The following C6orf132 variants were observed in gnomAD, a reference collection of about 807,000 sequenced individuals.
C6orf132 encodes chromosome 6 open reading frame 132, also known as uncharacterized protein C6orf132.
Under a neutral mutation model 65.3 loss-of-function variants are expected in C6orf132, and 43 were observed. The ratio of observed to expected loss-of-function variants is 0.66; its 90% CI spans 0.52 to 0.85. The LOEUF (loss-of-function observed/expected upper bound fraction) is 0.85, where lower values mean the gene tolerates loss of function less well. Ranked by LOEUF, C6orf132 falls within the 40% of genes least tolerant of loss-of-function variation. The probability of loss-of-function intolerance (pLI) is 0.00; values close to 1 mark genes in which losing one functional copy is unlikely to be tolerated. For synonymous variants in C6orf132, 631 were observed against 654.1 expected, an observed-to-expected ratio of 0.96 and a Z score of 0.54; for missense variants, 1,488 against 1,548.8, an observed-to-expected ratio of 0.96 and a Z score of 0.66.
chr6:42,104,426 C>A lies in C6orf132; in HGVS notation c.3449+37G>T, dbSNP rs1766350413. ...TTGGCCCTCGCCTGGCTTTCCACCC[C>A]TCCTGGCTTCCCGCACCAGCCGGGC... On this transcript the variant is annotated intron_variant, in intron 4 of 4. Coordinates refer to ENST00000341865, the MANE Select transcript of C6orf132 (RefSeq NM_001164446.3). The surrounding 1 kb of genome is among the most constrained non-coding windows in gnomAD (Gnocchi z 4.1). 6.5e-6 allele frequency: 8 copies of A among 1,229,606 alleles called. No homozygotes were observed. The highest frequency in any genetic ancestry group is 8.1e-6 in the Non-Finnish European group (8 of 986,834). The allele number at this position is 1,229,606 out of a possible 1,614,324, so 76.2% of individuals were successfully genotyped here.
chr6:42,137,592 G>A (rs1375831920), intron 1 of C6orf132, among the ~76,000 whole-genome samples: 1 of 152,082 alleles, frequency 6.6e-6, no homozygotes, highest in Admixed American at 6.6e-5. Flanking sequence ...TAAGGAGCTG[G>A]TGACATTCTT....
chr6:42,106,104 T>C lies in C6orf132; in HGVS notation c.1808A>G (p.Asn603Ser). Residue 603 changes from asparagine to serine, a missense_variant, in exon 4 of 5, where the codon AAC becomes AGC. Physicochemically the swap from Asn to Ser is conservative, Grantham distance 46 (BLOSUM62 1). Coordinates refer to ENST00000341865, the MANE Select transcript of C6orf132 (RefSeq NM_001164446.3). ...GGAGAGTTTGTCATCATCAGCCCCG[T>C]TTTCACAAATTCTTCCCCCTTCTAG... ...PRLEGGRICE[N>S]GADDDKLSKP... is the part of the protein sequence containing the mutation. The C allele has an allele frequency of 6.5e-7, 1 of 1,537,186 alleles. No homozygotes were observed. The highest frequency in any genetic ancestry group is 8.7e-7 in the Non-Finnish European group (1 of 1,146,898).
rs1766399792 is a variant in C6orf132 at position 42,106,110 on chromosome 6, C to A, written c.1802G>T (p.Cys601Phe). The change falls in exon 4 of 5, where the codon TGT becomes TTT. Residue 601 changes from cysteine (C) to phenylalanine (F), a missense_variant. Coordinates refer to ENST00000341865, the MANE Select transcript of C6orf132 (RefSeq NM_001164446.3). ...PKPRLEGGRICENGADDDKLS... is the reference protein window; with the variant it reads ...PKPRLEGGRIFENGADDDKLS... ...TTTGTCATCATCAGCCCCGTTTTCACAAATTCTTCCCCCTTCTAGCCGAGG... is the reference window on the plus strand; with the variant it reads ...TTTGTCATCATCAGCCCCGTTTTCAAAAATTCTTCCCCCTTCTAGCCGAGG... The A allele has an allele frequency of 6.5e-7, 1 of 1,537,150 alleles. No individual in the cohort carries two copies. Among genetic ancestry groups the A allele is most frequent in the African/African-American group, 1.4e-5 (1 of 73,044 alleles).
Position 42,107,561 on chromosome 6 carries a change from G to A in C6orf132, c.351C>T (p.Gly117=), listed in dbSNP as rs2127473908. The A allele has an allele frequency of 6.4e-7, 1 of 1,550,930 alleles. No individual in the cohort carries two copies. Among genetic ancestry groups the A allele is most frequent in the Middle Eastern group, 1.7e-4 (1 of 5,984 alleles). The part of the protein sequence containing the change: ...EVTGTSSLVN[G]NLRLYSSVGD... ...CCACAGAGCTGTACAGTCGGAGGTT[G>A]CCATTGACTAGTGAGCTGGTACCTG... Residue 117 remains glycine, a synonymous_variant, in exon 4 of 5, where the codon GGC becomes GGT. Transcript: ENST00000341865.
rs1388046476 is a variant in C6orf132, at chr6:42,110,201, C to T, written c.328+15G>A. Reference sequence around the variant, plus strand: ...AAAGAAAGATGGACAAGCCCCAAGCCCAGGGTTCACTTACCTGTCACTTCT... The same window carrying T: ...AAAGAAAGATGGACAAGCCCCAAGCTCAGGGTTCACTTACCTGTCACTTCT... On this transcript the variant is annotated intron_variant, in intron 3 of 4. Transcript: ENST00000341865. 6.5e-7 allele frequency: 1 copy of T among 1,544,932 alleles called. No individual in the cohort carries two copies. Among genetic ancestry groups the T allele is most frequent in the Admixed American group, 2.0e-5 (1 of 50,190 alleles).
Position 42,102,043 on chromosome 6 carries a change from G to A in C6orf132, c.*1718C>T, listed in dbSNP as rs1193471475. ...CCAGGAATTTGGCCCACCAGTACCT[G>A]AAGATAGGGAAGCAAGACCAAGGAA... On this transcript the variant is annotated 3_prime_UTR_variant, in exon 5 of 5. Transcript: ENST00000341865. 1 of 152,182 alleles carries A rather than the reference G, an allele frequency of 6.6e-6. No individual in the cohort carries two copies. The highest frequency in any genetic ancestry group is 2.4e-5 in the African/African-American group (1 of 41,420). 9.4% of individuals were successfully genotyped at this position (152,182 alleles called of 1,614,324 possible). A position where few individuals can be genotyped will look rare whatever the true frequency, so the allele number is the denominator to read the frequency against.
rs1280314972 is a variant in C6orf132, at chr6:42,124,289, C to T, written c.252+4383G>A. ...TTGGCTGCTGGATGCCTGATAAACA[C>T]TTCGTAATTCCCAGCACCCACAGCA... On this transcript the variant is annotated intron_variant, in intron 2 of 4. Transcript: ENST00000341865. This position sits in a 1 kb window ranked among gnomAD's most constrained non-coding sequence, Gnocchi z 4.0. 2.6e-5 allele frequency among the ~76,000 whole-genome samples: 4 copies of T among 152,242 alleles called. No individual in the cohort carries two copies. The highest frequency in any genetic ancestry group is 2.6e-4 in the Admixed American group (4 of 15,284).
intron 2 of C6orf132, among the ~76,000 whole-genome samples, chr6:42,114,996 ACT>A (rs1199371411): frequency 2.3e-5 from 3 of 132,500 alleles, no homozygotes; most frequent in East Asian, 4.3e-4. Flanking sequence ...ACAGAGAGAG[ACT>A]CTGTCTCAAA....
intron 1 of C6orf132, among the ~76,000 whole-genome samples, chr6:42,140,533 C>T (rs958601950): frequency 6.6e-6 from 1 of 152,226 alleles, no homozygotes; most frequent in Non-Finnish European, 1.5e-5. Flanking sequence ...GATTCAAATA[C>T]TAGTTCTGCC....
chr6:42,137,853 G>A (rs923029257), intron 1 of C6orf132, among the ~76,000 whole-genome samples: 58 of 150,612 alleles, frequency 3.9e-4, no homozygotes, highest in Non-Finnish European at 7.1e-4. Context: ...GGGGGAGGTG[G>A]ATCACGAGGT....
chr6:42,133,232 G>A (rs6458272), intron 1 of C6orf132, among the ~76,000 whole-genome samples: 6,616 of 152,306 alleles, frequency 0.043, 500 homozygotes, highest in African/African-American at 0.15. Context: ...CCTTGAGGAA[G>A]GAGGGGCGAG....
At chr6:42,141,733 G>C (rs1413750782) in intron 1 of C6orf132, among the ~76,000 whole-genome samples, 1 of 152,180 alleles carries the variant, frequency 6.6e-6, no homozygotes. Context: ...CTGGTAACCT[G>C]GTAGCAGCTG....
At chr6:42,142,152 G>C in intron 1 of C6orf132, 148 bp downstream of exon 1, 1 of 855,614 alleles carries the variant, frequency 1.2e-6, no homozygotes. Flanking sequence ...CCTGTGCGGT[G>C]CCTCCTCCCC....
intron 2 of C6orf132, 133 bp downstream of exon 2, chr6:42,128,539 C>T (rs1030643941): frequency 4.5e-6 from 3 of 661,300 alleles, no homozygotes; most frequent in Admixed American, 5.1e-5. Context: ...TCCAGTAGCC[C>T]CCCTTCCCGC....
At chr6:42,131,920 T>G (rs1766859432) in intron 1 of C6orf132, among the ~76,000 whole-genome samples, 1 of 151,866 alleles carries the variant, frequency 6.6e-6, no homozygotes, top group Non-Finnish European at 1.5e-5. Flanking sequence ...CTCTGGAAAA[T>G]CGGATTTGAT....
At position 42,104,727 on chromosome 6, in the gene C6orf132, A is replaced by G; in HGVS notation, c.3185T>C (p.Ile1062Thr). ...ERFSGGGRSL[I>T]KKRLYVGEPH... is the part of the protein sequence containing the mutation. ...CTCCCCGACGTACAGGCGCTTCTTT[A>G]TGAGCGAGCGGCCCCCTCCCGAGAA... The change falls in exon 4 of 5, where the codon ATA becomes ACA. Residue 1062 changes from isoleucine to threonine, a missense_variant. Coordinates refer to ENST00000341865, the MANE Select transcript of C6orf132 (RefSeq NM_001164446.3). This position sits in a 1 kb window ranked among gnomAD's most constrained non-coding sequence, Gnocchi z 4.1. The G allele has an allele frequency of 2.0e-6, 3 of 1,524,326 alleles. No individual in the cohort carries two copies. Among genetic ancestry groups the G allele is most frequent in the East Asian group, 2.5e-5 (1 of 40,028 alleles). 94.4% of individuals were successfully genotyped at this position (1,524,326 alleles called of 1,614,324 possible).
chr6:42,142,235 A>G (rs1221395425), intron 1 of C6orf132, 65 bp downstream of exon 1: 4 of 1,503,924 alleles, frequency 2.7e-6, no homozygotes, highest in Non-Finnish European at 3.6e-6. Flanking sequence ...AGGAGACAGC[A>G]CCGCCGGCCC....
Position 42,124,218 on chromosome 6 carries a change from C to T in C6orf132, c.252+4454G>A, listed in dbSNP as rs901205052. 9.2e-5 allele frequency among the ~76,000 whole-genome samples: 14 copies of T among 152,218 alleles called. No homozygotes were observed. The highest frequency in any genetic ancestry group is 2.1e-4 in the Non-Finnish European group (14 of 68,028). ...CTGCTGGAGTATTAGCCCCTGGTCC[C>T]ATCCCAGCCACTGAGGGATCCCGAG... On this transcript the variant is annotated intron_variant, in intron 2 of 4. Coordinates refer to ENST00000341865, the MANE Select transcript of C6orf132 (RefSeq NM_001164446.3). The surrounding 1 kb of genome is among the most constrained non-coding windows in gnomAD (Gnocchi z 4.0).
chr6:42,135,334 G>A (rs1441271133), intron 1 of C6orf132, among the ~76,000 whole-genome samples: 1 of 152,198 alleles, frequency 6.6e-6, no homozygotes, highest in African/African-American at 2.4e-5. Flanking sequence ...CCTTACGCAT[G>A]GCAGGGCACG....
Sources: allele counts gnomAD v4.1 joint callset (sites outside exome capture counted in the v4.1 genomes callset), GRCh38; gene constraint gnomAD v4.1.1; non-coding constraint Gnocchi (gnomAD v3.1); transcripts MANE v1.5; gene names NCBI Gene and HGNC (gene_info 2026-07-23, HGNC 2026-07-21).